Variants in MCF2L2 observed in about 807,000 individuals in gnomAD.
MCF2L2 encodes the protein probable guanine nucleotide exchange factor MCF2L2.
MCF2L2 carries 102 observed loss-of-function variants against 150.2 expected under a neutral mutation model. The observed-to-expected ratio is 0.68, with a 90% CI of 0.58 to 0.80. The LOEUF is 0.80. Ranked by LOEUF, MCF2L2 falls within the 30% of genes least tolerant of loss-of-function variation. The pLI is 0.00. For missense variants in MCF2L2, 1,256 were observed against 1,372.8 expected (o/e 0.91, Z 1.34); for synonymous variants, 465 against 491.3 (o/e 0.95, Z 0.71).
At chr3:183,193,486 G>T (rs891689622) in intron 26 of MCF2L2, among the ~76,000 whole-genome samples, 1 of 151,922 alleles carries the variant, frequency 6.6e-6, no homozygotes, top group Non-Finnish European at 1.5e-5. Context: ...AAGTAGCTGG[G>T]ACTACATGCG....
intron 15 of MCF2L2, among the ~76,000 whole-genome samples, chr3:183,250,357 G>A (rs1576959827): frequency 6.6e-6 from 1 of 152,062 alleles, no homozygotes; most frequent in African/African-American, 2.4e-5. Context: ...AGGCCGAGGC[G>A]GGCGGATCAC....
chr3:183,186,736 T>C (rs1213670941), intron 27 of MCF2L2, among the ~76,000 whole-genome samples: 1 of 152,118 alleles, frequency 6.6e-6, no homozygotes, highest in African/African-American at 2.4e-5. Flanking sequence ...TCAAAAGTTT[T>C]TGTGGAGATG....
chr3:183,360,221 C>T (rs1431699012), intron 3 of MCF2L2, among the ~76,000 whole-genome samples: 1 of 152,066 alleles, frequency 6.6e-6, no homozygotes, highest in Non-Finnish European at 1.5e-5. Flanking sequence ...TAAGATAAAA[C>T]CCACTGTTAA....
chr3:183,262,603 G>T (rs1301487446), intron 15 of MCF2L2, among the ~76,000 whole-genome samples: 1 of 152,014 alleles, frequency 6.6e-6, no homozygotes, highest in Non-Finnish European at 1.5e-5. Context: ...AATGGTGAGT[G>T]TTGGGGAACT....
intron 15 of MCF2L2, among the ~76,000 whole-genome samples, chr3:183,274,107 C>A (rs771554470): frequency 2.6e-5 from 4 of 151,818 alleles, no homozygotes; most frequent in Non-Finnish European, 5.9e-5. Flanking sequence ...CCCAACTACT[C>A]GGGAGGCTGA....
At chr3:183,393,246 T>G (rs1577118979) in intron 1 of MCF2L2, among the ~76,000 whole-genome samples, 1 of 147,318 alleles carries the variant, frequency 6.8e-6, no homozygotes, top group Non-Finnish European at 1.5e-5. Context: ...CAGGCTGGAG[T>G]GCAATGGCAT....
At position 183,270,358 on chromosome 3, in the gene MCF2L2, A is replaced by C. The variant is rs369205848; in HGVS notation, c.1862+6514T>G. On this transcript the variant is annotated intron_variant, in intron 15 of 29. Coordinates refer to ENST00000328913, the MANE Select transcript of MCF2L2 (RefSeq NM_015078.4). The surrounding 1 kb of genome is among the most constrained non-coding windows in gnomAD (Gnocchi z 4.5). ...GCAAATACCTATTGTCCACATGCCAAATTTCTTATGACTGCTGATGATGAC... is the reference window on the plus strand; with the variant it reads ...GCAAATACCTATTGTCCACATGCCACATTTCTTATGACTGCTGATGATGAC... 6 of 1,614,172 alleles carry C rather than the reference A, an allele frequency of 3.7e-6. No individual in the cohort carries two copies. The highest frequency in any genetic ancestry group is 4.2e-6 in the Non-Finnish European group (5 of 1,180,020).
Position 183,290,651 on chromosome 3 carries a change from A to G in MCF2L2, c.1676-1431T>C, listed in dbSNP as rs553180981. Among the ~76,000 whole-genome samples the G allele has an allele frequency of 3.0e-3, 458 of 152,106 alleles. 7 individuals carry two copies. The highest frequency in any genetic ancestry group is 0.021 in the South Asian group (103 of 4,818). On this transcript the variant is annotated intron_variant, in intron 13 of 29. Transcript: ENST00000328913. Reference sequence around the variant, plus strand: ...CAGGTTCAAGCGATTCTTCTGCCTCAGCCTCCCAAGTAGCTGGGACTACAG... The same window carrying G: ...CAGGTTCAAGCGATTCTTCTGCCTCGGCCTCCCAAGTAGCTGGGACTACAG...
chr3:183,280,564 T>C (rs563207518), intron 14 of MCF2L2, among the ~76,000 whole-genome samples: 11 of 152,254 alleles, frequency 7.2e-5, no homozygotes, highest in Admixed American at 5.9e-4. Context: ...CAAGGGTATC[T>C]GGGCCAGGCG....
intron 3 of MCF2L2, among the ~76,000 whole-genome samples, chr3:183,361,848 G>C (rs1226910425): frequency 1.6e-4 from 24 of 152,192 alleles, no homozygotes; most frequent in Admixed American, 1.6e-3. Flanking sequence ...AAGAATAACA[G>C]TGATGCCAAA....
intron 27 of MCF2L2, among the ~76,000 whole-genome samples, chr3:183,190,739 G>T (rs1394518096): frequency 2.0e-5 from 3 of 152,344 alleles, no homozygotes; most frequent in Admixed American, 2.0e-4. Flanking sequence ...TGCCTGAAGG[G>T]CACAACGGTG....
intron 14 of MCF2L2, among the ~76,000 whole-genome samples, chr3:183,281,272 C>T (rs531674892): frequency 1.3e-4 from 20 of 152,012 alleles, no homozygotes; most frequent in East Asian, 5.8e-4. Flanking sequence ...TTCTACATGA[C>T]GCAGCCCCAG....
At chr3:183,325,806 C>T (rs1381727314) in intron 5 of MCF2L2, among the ~76,000 whole-genome samples, 1 of 152,090 alleles carries the variant, frequency 6.6e-6, no homozygotes, top group African/African-American at 2.4e-5. Flanking sequence ...TCATCTTAAG[C>T]TTTAGATGAC....
intron 15 of MCF2L2, among the ~76,000 whole-genome samples, chr3:183,241,405 C>T (rs1029526316): frequency 3.9e-5 from 6 of 152,118 alleles, no homozygotes; most frequent in East Asian, 1.9e-4. Flanking sequence ...ATAATCCCCA[C>T]ATGTCATGGG....
chr3:183,401,062 A>C (rs1300914018), intron 1 of MCF2L2, among the ~76,000 whole-genome samples: 1 of 152,136 alleles, frequency 6.6e-6, no homozygotes. Flanking sequence ...ACTCCTGAAG[A>C]TCAGGTGCAA....
intron 15 of MCF2L2, among the ~76,000 whole-genome samples, chr3:183,274,105 C>T (rs563780749): frequency 1.3e-5 from 2 of 152,152 alleles, no homozygotes; most frequent in African/African-American, 2.4e-5. Flanking sequence ...ATCCCAACTA[C>T]TCGGGAGGCT....
chr3:183,241,225 AAGTTTTTT>A (rs1724012801), intron 15 of MCF2L2, among the ~76,000 whole-genome samples: 1 of 152,218 alleles, frequency 6.6e-6, no homozygotes, highest in Admixed American at 6.5e-5. Context: ...TTTAAATAAA[AAGTTTTTT>A]AAAAAGTAAG....
At position 183,191,562 on chromosome 3, in the gene MCF2L2, C is replaced by T. The variant is rs868741438; in HGVS notation, c.3016+1437G>A. ...TCGCCTTCCACCACCACCGGTTTAA[C>T]GCCTTTTTCATCTTAGTGCTGCTGC... On this transcript the variant is annotated intron_variant, in intron 27 of 29. Transcript: ENST00000328913. Among the ~76,000 whole-genome samples, 5 of 152,294 alleles carry T rather than the reference C, an allele frequency of 3.3e-5. No individual in the cohort carries two copies. The South Asian group carries it at 6.2e-4, about 19-fold the overall frequency.
intron 22 of MCF2L2, 51 bp from the exon 23 acceptor site, chr3:183,207,874 G>T: frequency 7.1e-7 from 1 of 1,415,384 alleles, no homozygotes; most frequent in Non-Finnish European, 9.9e-7. Flanking sequence ...ACTTGACAGA[G>T]AAAGAAGCCT....
Sources: allele counts gnomAD v4.1 joint callset (sites outside exome capture counted in the v4.1 genomes callset), GRCh38; gene constraint gnomAD v4.1.1; non-coding constraint Gnocchi (gnomAD v3.1); transcripts MANE v1.5; gene names NCBI Gene and HGNC (gene_info 2026-07-23, HGNC 2026-07-21).